Variants in FREM1 observed in about 807,000 individuals in gnomAD.
FREM1 encodes FRAS1 related extracellular matrix 1, also known as FRAS1-related extracellular matrix protein 1.
FREM1 carries 220 observed loss-of-function variants against 210.1 expected under a neutral mutation model. That is an observed-to-expected ratio of 1.05 (90% CI 0.94 to 1.17). The LOEUF (loss-of-function observed/expected upper bound fraction) is 1.17, where lower values mean the gene tolerates loss of function less well. FREM1 is among the 50% of genes most tolerant of loss of function. The probability of loss-of-function intolerance (pLI) is 0.00; values close to 1 mark genes in which losing one functional copy is unlikely to be tolerated. For synonymous variants in FREM1, 1,189 were observed against 980.2 expected, an observed-to-expected ratio of 1.21 and a Z score of -3.98; for missense variants, 3,454 against 2,675.5, an observed-to-expected ratio of 1.29 and a Z score of -6.42.
rs750136981 is a variant in FREM1 at position 14,797,657 on chromosome 9, A to G, written c.3695-15T>C. On this transcript the variant is annotated splice_polypyrimidine_tract_variant and intron_variant, in intron 20 of 36. Coordinates refer to ENST00000380880, the MANE Select transcript of FREM1 (RefSeq NM_001379081.2). ...CAACCTCATTCCTGGAAGAAGGAAA[A>G]AAAATAAGTAAATCTTCCTTATGAT... 1 of 1,600,400 alleles carries G rather than the reference A, an allele frequency of 6.2e-7. No individual in the cohort carries two copies. Among genetic ancestry groups the G allele is most frequent in the Non-Finnish European group, 8.5e-7 (1 of 1,172,042 alleles).
chr9:14,756,482 A>G (rs1384992592), intron 28 of FREM1, 36 bp from the exon 29 acceptor site: 3 of 1,443,804 alleles, frequency 2.1e-6, no homozygotes, highest in Middle Eastern at 1.7e-4. Context: ...TAAGATAAAA[A>G]TAAATATTCT....
chr9:14,846,165 A>G (rs1826569240), intron 7 of FREM1, 74 bp from the exon 8 acceptor site: 1 of 1,209,812 alleles, frequency 8.3e-7, no homozygotes, highest in South Asian at 1.3e-5. Flanking sequence ...TACACCATGG[A>G]ATACTATGCA....
At chr9:14,744,504 G>T (rs1390283776) in intron 35 of FREM1, among the ~76,000 whole-genome samples, 1 of 151,784 alleles carries the variant, frequency 6.6e-6, no homozygotes, top group African/African-American at 2.4e-5. Flanking sequence ...GTATTCTTTT[G>T]TGTAGGGCTG....
At chr9:14,842,249 G>T in intron 9 of FREM1, 67 bp downstream of exon 9, 1 of 961,678 alleles carries the variant, frequency 1.0e-6, no homozygotes, top group Non-Finnish European at 1.6e-6. Context: ...AACCCAGAAG[G>T]ATGCATAGAA....
In FREM1 at chr9:14,865,372, T is replaced by A. The variant is rs1482971312; in HGVS notation, c.235-1469A>T. On this transcript the variant is annotated intron_variant, in intron 2 of 36. Coordinates refer to ENST00000380880, the MANE Select transcript of FREM1 (RefSeq NM_001379081.2). ...CATATTGCCATCAACCTCATCTAAT[T>A]GACTATATCAAGAGGGTTATCTGAA... 2.0e-5 allele frequency among the ~76,000 whole-genome samples: 3 copies of A among 152,340 alleles called. No homozygotes were observed. In the East Asian group the frequency reaches 5.8e-4, roughly 29 times the overall value.
At chr9:14,838,908 G>A (rs567053165) in intron 10 of FREM1, among the ~76,000 whole-genome samples, 25 of 152,144 alleles carry the variant, frequency 1.6e-4, no homozygotes, top group African/African-American at 4.6e-4. Context: ...GAATGGGGTC[G>A]TCAGAGGATT....
intron 16 of FREM1, among the ~76,000 whole-genome samples, 158 bp downstream of exon 16, chr9:14,812,654 A>C (rs1819607805): frequency 1.3e-5 from 2 of 152,136 alleles, no homozygotes; most frequent in Admixed American, 1.3e-4. Flanking sequence ...ACTTCCATAT[A>C]TGGTGATCAT....
intron 1 of FREM1, among the ~76,000 whole-genome samples, chr9:14,888,201 T>C (rs1371451436): frequency 6.6e-6 from 1 of 152,210 alleles, no homozygotes; most frequent in East Asian, 1.9e-4. Flanking sequence ...AGGTAGATAA[T>C]GATTTTATAG....
At chr9:14,857,531 C>A (rs973837371) in intron 5 of FREM1, 22 bp downstream of exon 5, 1 of 1,596,284 alleles carries the variant, frequency 6.3e-7, no homozygotes, top group African/African-American at 1.3e-5. Context: ...TGGGGGCACC[C>A]ACACATAACC....
At chr9:14,877,969 A>C (rs773225002) in intron 1 of FREM1, among the ~76,000 whole-genome samples, 47 of 152,108 alleles carry the variant, frequency 3.1e-4, no homozygotes, top group South Asian at 1.2e-3. Context: ...ACTTCTTACT[A>C]CCTCCATTGT....
intron 3 of FREM1, among the ~76,000 whole-genome samples, chr9:14,861,134 T>C (rs1830306616): frequency 7.2e-6 from 1 of 139,194 alleles, no homozygotes; most frequent in Non-Finnish European, 1.5e-5. Flanking sequence ...TATACACATA[T>C]ATACATATAT....
At position 14,848,728 on chromosome 9, in the gene FREM1, T is replaced by C. The variant is rs756555253; in HGVS notation, c.1198A>G (p.Met400Val). 3 of 1,613,288 alleles carry C rather than the reference T, an allele frequency of 1.9e-6. No individual in the cohort carries two copies. Among genetic ancestry groups the C allele is most frequent in the Non-Finnish European group, 1.7e-6 (2 of 1,179,316 alleles). The change falls in exon 7 of 37, where the codon ATG (methionine) becomes GTG (valine). Residue 400 changes from methionine (M) to valine (V), a missense_variant. Met to Val is a conservative substitution (Grantham distance 21). Coordinates refer to ENST00000380880, the MANE Select transcript of FREM1 (RefSeq NM_001379081.2). ...GTTCTGATGGAGATGTGGACTGTCA[T>C]AGGTGCACTCCTTTCAAAGAAGAAG... The part of the protein sequence containing the change: ...YDFFFERSAP[M>V]TVHISIRTAD...
rs1176414270 is a variant in FREM1 at position 14,861,348 on chromosome 9, TACATATATAC to T, written c.330-1874_330-1865del. ...ATATATACATATATACACATATATA[TACATATATAC>T]ACATATATACACGTATATACATATA... On this transcript the variant is annotated intron_variant, in intron 3 of 36. Coordinates refer to ENST00000380880, the MANE Select transcript of FREM1 (RefSeq NM_001379081.2). Among the ~76,000 whole-genome samples the T allele has an allele frequency of 2.9e-3, 315 of 107,780 alleles. 8 individuals carry two copies. The highest frequency in any genetic ancestry group is 4.1e-3 in the Non-Finnish European group (231 of 56,952). 70.7% of individuals were successfully genotyped at this position (107,780 alleles called of 152,430 possible).
chr9:14,841,734 GA>G (rs1444212703), intron 9 of FREM1, 145 bp from the exon 10 acceptor site: 11 of 537,976 alleles, frequency 2.0e-5, no homozygotes, highest in Non-Finnish European at 3.3e-5. Flanking sequence ...TTTCATCAAA[GA>G]TAAATAATAA....
chr9:14,748,463 G>T lies in FREM1; in HGVS notation c.5734C>A (p.Arg1912=), dbSNP rs747877946. The T allele has an allele frequency of 1.2e-6, 2 of 1,613,654 alleles. No homozygotes were observed. Among genetic ancestry groups the T allele is most frequent in the South Asian group, 1.1e-5 (1 of 91,074 alleles). ...QLAVIRGDTL[R]GFDSTDLSQR... ...GAAAGATCTGTAGAATCAAAGCCCC[G>T]CAGGGTGTCTCCCCTGATGACTGCT... The change falls in exon 31 of 37, where the codon CGG becomes AGG. Residue 1912 remains arginine, a synonymous_variant. Transcript: ENST00000380880.
rs867366233 is a variant in FREM1, at chr9:14,828,645, G to A, written c.1882-3653C>T. Among the ~76,000 whole-genome samples the A allele has an allele frequency of 1.0e-4, 14 of 135,886 alleles. 1 individual carries two copies. Among genetic ancestry groups the A allele is most frequent in the African/African-American group, 2.6e-4 (9 of 34,450 alleles). 89.1% of individuals were successfully genotyped at this position (135,886 alleles called of 152,430 possible). A position where few individuals can be genotyped will look rare whatever the true frequency, so the allele number is the denominator to read the frequency against. ...GAAGAACATAAATTGTGGCGGGGCGGGGGAGGTGCCGGGGTAGAATGTTAT... is the reference window on the plus strand; with the variant it reads ...GAAGAACATAAATTGTGGCGGGGCGAGGGAGGTGCCGGGGTAGAATGTTAT... On this transcript the variant is annotated intron_variant, in intron 10 of 36. Coordinates refer to ENST00000380880, the MANE Select transcript of FREM1 (RefSeq NM_001379081.2).
At chr9:14,786,822 A>C (rs889671573) in intron 23 of FREM1, among the ~76,000 whole-genome samples, 2 of 152,236 alleles carry the variant, frequency 1.3e-5, no homozygotes, top group African/African-American at 4.8e-5. Flanking sequence ...CCTTAGCCAC[A>C]GATGCTACAG....
intron 16 of FREM1, 138 bp from the exon 17 acceptor site, chr9:14,808,272 A>G (rs1430594416): frequency 9.0e-6 from 5 of 555,608 alleles, no homozygotes; most frequent in Non-Finnish European, 1.5e-5. Flanking sequence ...GTAAAACCCA[A>G]TTTTATCACT....
intron 14 of FREM1, among the ~76,000 whole-genome samples, chr9:14,817,433 T>C (rs1012578771): frequency 3.3e-5 from 5 of 152,200 alleles, no homozygotes; most frequent in African/African-American, 1.2e-4. Flanking sequence ...AATTCTTAAA[T>C]CTCTTAGACT....
Sources: allele counts gnomAD v4.1 joint callset (sites outside exome capture counted in the v4.1 genomes callset), GRCh38; gene constraint gnomAD v4.1.1; transcripts MANE v1.5; gene names NCBI Gene and HGNC (gene_info 2026-07-23, HGNC 2026-07-21).